Variants in CCSER1 observed in about 807,000 individuals in gnomAD.
The protein encoded by CCSER1 is coiled-coil serine rich protein 1.
Under a neutral mutation model 82.0 loss-of-function variants are expected in CCSER1, and 41 were observed. That is an observed-to-expected ratio of 0.50 (90% CI 0.39 to 0.65). The LOEUF is 0.65. Ranked by LOEUF, CCSER1 falls within the 30% of genes least tolerant of loss-of-function variation. The pLI, the probability that CCSER1 is intolerant of heterozygous loss-of-function variation, is 0.00. For synonymous variants in CCSER1, 414 were observed against 383.9 expected (o/e 1.08, Z -0.92); for missense variants, 1,119 against 1,064.2 (o/e 1.05, Z -0.72).
At chr4:90,789,262 T>C (rs1226659703) in intron 7 of CCSER1, among the ~76,000 whole-genome samples, 1 of 152,214 alleles carries the variant, frequency 6.6e-6, no homozygotes, top group Non-Finnish European at 1.5e-5. Flanking sequence ...ATTTCCTCTC[T>C]GTTATGTCTA....
intron 10 of CCSER1, among the ~76,000 whole-genome samples, chr4:91,517,878 T>C (rs1388054234): frequency 6.6e-6 from 1 of 151,794 alleles, no homozygotes; most frequent in Non-Finnish European, 1.5e-5. Context: ...TATTTGTAGC[T>C]GAATTTTTGC....
intron 10 of CCSER1, among the ~76,000 whole-genome samples, chr4:91,316,933 C>A (rs75303946): frequency 0.087 from 13,219 of 151,870 alleles, 878 homozygotes; most frequent in East Asian, 0.2. Flanking sequence ...CAAAGGGTAA[C>A]ATGTTTCAGT....
At chr4:90,758,106 C>T (rs553991412) in intron 7 of CCSER1, among the ~76,000 whole-genome samples, 13 of 151,874 alleles carry the variant, frequency 8.6e-5, no homozygotes, top group African/African-American at 2.7e-4. Flanking sequence ...ACCTGGCTAA[C>T]TTTGTATTTT....
intron 10 of CCSER1, among the ~76,000 whole-genome samples, chr4:91,261,711 C>A (rs546691671): frequency 7.2e-6 from 1 of 138,450 alleles, no homozygotes; most frequent in South Asian, 2.5e-4. Context: ...TTCACCCCTC[C>A]ACATGTAACT....
chr4:90,926,681 T>C (rs1729104721), intron 9 of CCSER1, among the ~76,000 whole-genome samples: 1 of 152,044 alleles, frequency 6.6e-6, no homozygotes, highest in African/African-American at 2.4e-5. Flanking sequence ...ATTCAGAGTG[T>C]CTCAGCACAG....
At chr4:90,248,459 A>C (rs1268028732) in intron 1 of CCSER1, among the ~76,000 whole-genome samples, 1 of 152,122 alleles carries the variant, frequency 6.6e-6, no homozygotes, top group South Asian at 2.1e-4. Context: ...CCTCTGAATC[A>C]TGACACATTT....
At chr4:91,379,236 G>A (rs562354619) in intron 10 of CCSER1, among the ~76,000 whole-genome samples, 19,614 of 151,942 alleles carry the variant, frequency 0.13, 1,427 homozygotes, top group Middle Eastern at 0.19. Context: ...TCTCTGTCAG[G>A]CTTTGGTATC....
intron 6 of CCSER1, among the ~76,000 whole-genome samples, chr4:90,644,590 G>A (rs1279535426): frequency 1.3e-5 from 2 of 151,868 alleles, no homozygotes; most frequent in African/African-American, 4.8e-5. Flanking sequence ...TAAGCTCCAC[G>A]TGCATTGGCT....
intron 1 of CCSER1, among the ~76,000 whole-genome samples, chr4:90,209,771 T>G (rs894463122): frequency 6.9e-6 from 1 of 144,434 alleles, no homozygotes; most frequent in African/African-American, 2.6e-5. Flanking sequence ...TGTCTAGTGT[T>G]TTTTTTTTTT....
chr4:90,263,784 T>C (rs979832475), intron 1 of CCSER1, among the ~76,000 whole-genome samples: 2 of 152,142 alleles, frequency 1.3e-5, no homozygotes, highest in African/African-American at 4.8e-5. Context: ...GTTTATGTCC[T>C]TTGTGTTAAG....
chr4:91,292,068 C>G (rs1011084489), intron 10 of CCSER1, among the ~76,000 whole-genome samples: 2 of 151,936 alleles, frequency 1.3e-5, no homozygotes, highest in African/African-American at 2.4e-5. Context: ...AACTAGCAAG[C>G]GATGCCTGAG....
chr4:90,623,291 C>T (rs1052496941), intron 5 of CCSER1, among the ~76,000 whole-genome samples: 1 of 152,084 alleles, frequency 6.6e-6, no homozygotes, highest in Non-Finnish European at 1.5e-5. Context: ...ACCTCGGCCT[C>T]CCAAAGTGCT....
rs770770372 is a variant in CCSER1 at position 91,024,097 on chromosome 4, C to T, written c.2173-61853C>T. On this transcript the variant is annotated intron_variant, in intron 9 of 10. Coordinates refer to ENST00000509176, the MANE Select transcript of CCSER1 (RefSeq NM_001145065.2). ...GGTCTCTCTTCCTCTTATAAAGCCA[C>T]GAGTTCCCTTCCCGTGATAACCCAT... Among the ~76,000 whole-genome samples, 27 of 152,232 alleles carry T rather than the reference C, an allele frequency of 1.8e-4. No individual in the cohort carries two copies. The South Asian group carries it at 5.0e-3, about 28-fold the overall frequency.
At chr4:90,316,696 CTATT>C (rs1272341809) in intron 3 of CCSER1, among the ~76,000 whole-genome samples, 6 of 152,110 alleles carry the variant, frequency 3.9e-5, no homozygotes, top group Admixed American at 1.3e-4. Context: ...AAATATGGCT[CTATT>C]TATTAAGATG....
chr4:90,932,980 A>AAGAGAGAGAGAGAGAGAG, intron 9 of CCSER1, among the ~76,000 whole-genome samples: 1 of 21,978 alleles, frequency 4.6e-5, no homozygotes, highest in South Asian at 1.4e-3. Flanking sequence ...GAAAGAAAGA[A>AAGAGAGAGAGAGAGAGAG]AGAGAAAGAA....
chr4:91,348,416 G>C (rs1748222597), intron 10 of CCSER1, among the ~76,000 whole-genome samples: 1 of 152,096 alleles, frequency 6.6e-6, no homozygotes, highest in Admixed American at 6.5e-5. Context: ...GTTCCTGAGA[G>C]ATATTGGTCT....
At chr4:90,171,725 G>A (rs545019438) in intron 1 of CCSER1, among the ~76,000 whole-genome samples, 3 of 151,844 alleles carry the variant, frequency 2.0e-5, no homozygotes, top group South Asian at 4.1e-4. Flanking sequence ...CACACAGAGC[G>A]GTAAACATTG....
chr4:91,021,855 T>G (rs1011007819), intron 9 of CCSER1, among the ~76,000 whole-genome samples: 14 of 152,198 alleles, frequency 9.2e-5, no homozygotes, highest in Non-Finnish European at 1.9e-4. Flanking sequence ...AATTATTAAT[T>G]CAGTTTCAGT....
chr4:90,508,287 T>C (rs1268780577), intron 5 of CCSER1, among the ~76,000 whole-genome samples: 2 of 152,200 alleles, frequency 1.3e-5, no homozygotes, highest in East Asian at 3.9e-4. Flanking sequence ...GTTTGGTCTA[T>C]TTATCTATAC....
Sources: gnomAD v4.1 joint callset for allele counts (sites outside exome capture counted in the v4.1 genomes callset) on GRCh38, gnomAD v4.1.1 for gene constraint, MANE v1.5 for transcripts, NCBI Gene and HGNC (gene_info 2026-07-23, HGNC 2026-07-21) for gene names.